Variants in COL10A1 observed in about 807,000 individuals in gnomAD.
The protein encoded by COL10A1 is collagen alpha-1(X) chain.
In COL10A1, 10 loss-of-function variants were observed where a neutral mutation model predicts 18.2. That is an observed-to-expected ratio of 0.55 (90% CI 0.34 to 0.93). The LOEUF (loss-of-function observed/expected upper bound fraction) is 0.93. Among genes scored for constraint, COL10A1 ranks in the 40% least tolerant of loss-of-function variants. The pLI is 0.02. For synonymous variants in COL10A1, 330 were observed against 316.6 expected (o/e 1.04, Z -0.45); for missense variants, 897 against 853.5 (o/e 1.05, Z -0.64).
At chr6:116,195,757 A>AAT in the COL10A1 span, among the ~76,000 whole-genome samples, 1 of 152,080 alleles carries the variant, frequency 6.6e-6, no homozygotes, top group Non-Finnish European at 1.5e-5. Context: ...TTAGATCAAC[A>AAT]ATAGCAACTA....
At position 116,125,586 on chromosome 6, in the gene COL10A1, C is replaced by A; in HGVS notation, c.-15-79G>T. On this transcript the variant is annotated intron_variant, in intron 1 of 2. Coordinates refer to ENST00000651968, the MANE Select transcript of COL10A1 (RefSeq NM_000493.4). ...TATTCTCATGTTTCACAGATGAGTT[C>A]TTTATACAGTTATCTACTTTTTTAA... 6 of 1,273,518 alleles carry A rather than the reference C, an allele frequency of 4.7e-6. 1 individual carries two copies. Among genetic ancestry groups the A allele is most frequent in the Middle Eastern group, 2.1e-4 (1 of 4,802 alleles). 78.9% of individuals were successfully genotyped at this position (1,273,518 alleles called of 1,614,324 possible).
the COL10A1 span, among the ~76,000 whole-genome samples, chr6:116,210,865 T>C: frequency 1.3e-5 from 2 of 151,988 alleles, no homozygotes; most frequent in Admixed American, 1.3e-4. Context: ...ACAGAAAATA[T>C]ACTGGCAGGA....
At chr6:116,172,377 A>G in the COL10A1 span, among the ~76,000 whole-genome samples, 38 of 134,384 alleles carry the variant, frequency 2.8e-4, no homozygotes, top group Non-Finnish European at 5.0e-4. Flanking sequence ...GCTGGAGTGC[A>G]GTGCCACAAT....
intron 1 of COL10A1, chr6:116,145,531 A>T: frequency 6.9e-6 from 2 of 290,006 alleles, no homozygotes; most frequent in South Asian, 3.2e-5. Context: ...TTTCATTAGA[A>T]CTCCTGTCCT....
At chr6:116,149,181 A>G (rs1760810773) in intron 1 of COL10A1, among the ~76,000 whole-genome samples, 1 of 152,218 alleles carries the variant, frequency 6.6e-6, no homozygotes, top group Admixed American at 6.5e-5. Flanking sequence ...TACATTTGGT[A>G]CAGAATTTGA....
the COL10A1 span, among the ~76,000 whole-genome samples, chr6:116,182,274 T>A: frequency 7.0e-6 from 1 of 143,448 alleles, no homozygotes; most frequent in Admixed American, 7.1e-5. Context: ...TCTTTTTCTT[T>A]ATCCACTCTT....
At chr6:116,188,998 C>T in the COL10A1 span, among the ~76,000 whole-genome samples, 1 of 151,888 alleles carries the variant, frequency 6.6e-6, no homozygotes, top group Non-Finnish European at 1.5e-5. Flanking sequence ...TAGAACTTCA[C>T]TGTATTTAAA....
Position 116,124,852 on chromosome 6 carries a change from G to T in COL10A1, c.154+487C>A, listed in dbSNP as rs187791829. Among the ~76,000 whole-genome samples, 400 of 152,152 alleles carry T rather than the reference G, an allele frequency of 2.6e-3. 10 individuals are homozygous for T. In the South Asian group the frequency reaches 0.044, roughly 17 times the overall value. On this transcript the variant is annotated intron_variant, in intron 2 of 2. Transcript: ENST00000651968. ...CTCATAATTACATTTGTTCATTGTT[G>T]GGGGGGAGGCCATCAGATTTTTTTG...
rs774861042 is a variant in COL10A1, at chr6:116,121,820, G to C, written c.296C>G (p.Pro99Arg). 5.4e-5 allele frequency: 87 copies of C among 1,613,846 alleles called. No individual in the cohort carries two copies. The highest frequency in any genetic ancestry group is 7.1e-5 in the Non-Finnish European group (84 of 1,179,986). Residue 99 changes from proline to arginine, a missense_variant, in exon 3 of 3, where the codon CCA becomes CGA. Transcript: ENST00000651968. ...GLQGEPGLPG[P>R]PGPSAVGKPG... The stretch of plus-strand genomic sequence containing the variant: ...TTTCCCTACAGCTGATGGTCCCGGT[G>C]GTCCTGGCAACCCTGGCTCTCCTTG...
chr6:116,169,367 A>G, the COL10A1 span, among the ~76,000 whole-genome samples: 7 of 152,220 alleles, frequency 4.6e-5, no homozygotes, highest in Non-Finnish European at 1.5e-5. Flanking sequence ...AAATGAAAAC[A>G]TGTTATAGTT....
the COL10A1 span, among the ~76,000 whole-genome samples, chr6:116,201,166 C>A: frequency 6.6e-6 from 1 of 151,856 alleles, no homozygotes; most frequent in African/African-American, 2.4e-5. Flanking sequence ...AATGAGTCAC[C>A]ACATGTAAAA....
At chr6:116,153,202 T>A (rs111543196) in intron 1 of COL10A1, among the ~76,000 whole-genome samples, 4 of 152,144 alleles carry the variant, frequency 2.6e-5, no homozygotes, top group African/African-American at 9.6e-5. Context: ...GAATTAAGAA[T>A]TTTTTTAAAT....
chr6:116,148,213 T>C (rs144600120), intron 1 of COL10A1, among the ~76,000 whole-genome samples: 8 of 152,206 alleles, frequency 5.3e-5, no homozygotes, highest in African/African-American at 1.7e-4. Flanking sequence ...ATTGAGTAAG[T>C]TGGGGACAGG....
intron 1 of COL10A1, among the ~76,000 whole-genome samples, chr6:116,158,012 A>G (rs1393791621): frequency 6.6e-6 from 1 of 152,198 alleles, no homozygotes. Context: ...TCCTCTGATC[A>G]TTTGACATTT....
At chr6:116,144,184 C>T (rs1281157364) in intron 1 of COL10A1, among the ~76,000 whole-genome samples, 1 of 152,006 alleles carries the variant, frequency 6.6e-6, no homozygotes, top group Non-Finnish European at 1.5e-5. Flanking sequence ...AGTATGAAAA[C>T]AAACATATTC....
Position 116,135,034 on chromosome 6 carries a change from T to C in COL10A1, c.-15-9527A>G, listed in dbSNP as rs1316286172. Among the ~76,000 whole-genome samples, 11 of 152,316 alleles carry C rather than the reference T, an allele frequency of 7.2e-5. No individual in the cohort carries two copies. In the East Asian group the frequency reaches 1.7e-3, roughly 24 times the overall value. ...CTATGCTTCACTTTCCCATTATCTT[T>C]TACTCATCTGTACCCCATTTACTTA... is the stretch of plus-strand genomic sequence containing the variant. On this transcript the variant is annotated intron_variant, in intron 1 of 1. Coordinates refer to the COL10A1 transcript ENST00000418500.
the COL10A1 span, among the ~76,000 whole-genome samples, chr6:116,168,260 A>G: frequency 6.6e-6 from 1 of 151,568 alleles, no homozygotes; most frequent in African/African-American, 2.4e-5. Flanking sequence ...TATTTTTACT[A>G]TCATTTATGA....
At chr6:116,158,222 G>A (rs1780247150) in intron 1 of COL10A1, among the ~76,000 whole-genome samples, 1 of 151,860 alleles carries the variant, frequency 6.6e-6, no homozygotes. Flanking sequence ...TATTACAAGT[G>A]AGTGTAGATC....
chr6:116,121,234 CCCTGGGGGCCCAGCTATT>C lies in COL10A1; in HGVS notation c.864_881del (p.Ile289_Gly294del), dbSNP rs774347415. 1 of 1,613,714 alleles carries C rather than the reference CCCTGGGGGCCCAGCTATT, an allele frequency of 6.2e-7. No individual in the cohort carries two copies. Among genetic ancestry groups the C allele is most frequent in the Non-Finnish European group, 8.5e-7 (1 of 1,179,826 alleles). On this transcript the variant is annotated inframe_deletion, in exon 3 of 3. Coordinates refer to ENST00000651968, the MANE Select transcript of COL10A1 (RefSeq NM_000493.4). ...AGCCTGGTTTCCCAAAGCCAGGAGG[CCCTGGGGGCCCAGCTATT>C]CCTGGAGCCCCAGGGAGACCTTTTG...
Sources: gnomAD v4.1 joint callset for allele counts (sites outside exome capture counted in the v4.1 genomes callset) on GRCh38, gnomAD v4.1.1 for gene constraint, MANE v1.5 for transcripts, NCBI Gene and HGNC (gene_info 2026-07-23, HGNC 2026-07-21) for gene names.